CCDC3: variants seen among roughly 807,000 people sequenced by gnomAD.
CCDC3 encodes the protein coiled-coil domain-containing protein 3.
A neutral mutation model predicts 21.4 loss-of-function variants in CCDC3; 24 were observed. The observed-to-expected ratio is 1.12, with a 90% CI of 0.81 to 1.58. The LOEUF (loss-of-function observed/expected upper bound fraction) is 1.58. CCDC3 is among the 40% of genes most tolerant of loss of function. The pLI is 0.00. For synonymous variants in CCDC3, 186 were observed against 166.0 expected (o/e 1.12, Z -0.93); for missense variants, 425 against 360.9 (o/e 1.18, Z -1.44).
chr10:13,038,816 A>G (rs1836412555), intron 5 of CCDC3, among the ~76,000 whole-genome samples: 1 of 152,178 alleles, frequency 6.6e-6, no homozygotes, highest in East Asian at 1.9e-4. Context: ...GAAGGGATAG[A>G]TCTGTGGGCT....
chr10:13,048,752 A>C (rs1450736184), intron 5 of CCDC3, among the ~76,000 whole-genome samples: 1 of 151,992 alleles, frequency 6.6e-6, no homozygotes, highest in East Asian at 1.9e-4. Flanking sequence ...GGTCATCAAT[A>C]GTATGGTGCC....
rs201120279 is a variant in CCDC3 at position 13,059,169 on chromosome 10, C to A, written c.-269-9228G>T. Among the ~76,000 whole-genome samples, 7 of 152,136 alleles carry A rather than the reference C, an allele frequency of 4.6e-5. No individual in the cohort carries two copies. In the East Asian group the frequency reaches 1.3e-3, roughly 29 times the overall value. On this transcript the variant is annotated intron_variant, in intron 4 of 6. Coordinates refer to the CCDC3 transcript ENST00000378839. ...GGTGATGCTAAAATTTAGATATGCC[C>A]TTCTGCATCCTCTTTTCTGTTCCCT...
At chr10:12,915,104 G>A (rs751497519) in intron 2 of CCDC3, among the ~76,000 whole-genome samples, 4 of 152,028 alleles carry the variant, frequency 2.6e-5, no homozygotes, top group African/African-American at 9.7e-5. Flanking sequence ...TGGTGTTCAG[G>A]AACATGTTGC....
intron 4 of CCDC3, among the ~76,000 whole-genome samples, chr10:13,063,012 G>A (rs1175109149): frequency 6.7e-6 from 1 of 150,038 alleles, no homozygotes; most frequent in East Asian, 2.0e-4. Context: ...CTGGCTTACC[G>A]ATTTCATCTC....
chr10:12,909,673 A>G (rs1588999949), intron 2 of CCDC3, among the ~76,000 whole-genome samples: 1 of 152,022 alleles, frequency 6.6e-6, no homozygotes, highest in East Asian at 1.9e-4. Context: ...GGCTGTGGAG[A>G]GTGGAAGGCT....
intron 1 of CCDC3, among the ~76,000 whole-genome samples, chr10:13,000,087 G>T (rs1835823381): frequency 6.6e-6 from 1 of 152,320 alleles, no homozygotes; most frequent in African/African-American, 2.4e-5. Flanking sequence ...CTTTCTCAGA[G>T]AAATGCGAGC....
At chr10:13,070,749 C>G (rs1836872188) in intron 4 of CCDC3, among the ~76,000 whole-genome samples, 1 of 152,188 alleles carries the variant, frequency 6.6e-6, no homozygotes. Flanking sequence ...AATAATTATT[C>G]TTGCTGCACT....
At chr10:12,922,803 C>T (rs967684226) in intron 2 of CCDC3, among the ~76,000 whole-genome samples, 1 of 152,110 alleles carries the variant, frequency 6.6e-6, no homozygotes, top group Non-Finnish European at 1.5e-5. Flanking sequence ...CAGAAAATGC[C>T]CACTTAGATG....
intron 3 of CCDC3, among the ~76,000 whole-genome samples, chr10:13,088,906 A>G (rs1469594723): frequency 6.6e-6 from 1 of 151,716 alleles, no homozygotes; most frequent in East Asian, 1.9e-4. Context: ...GCTACTCAGG[A>G]GGGTGAGGCA....
rs1252548152 is a variant in CCDC3, at chr10:12,898,274, A to G, written c.*142T>C. 4 of 963,920 alleles carry G rather than the reference A, an allele frequency of 4.1e-6. No individual in the cohort carries two copies. The highest frequency in any genetic ancestry group is 2.7e-5 in the East Asian group (1 of 37,700). 59.7% of individuals were successfully genotyped at this position (963,920 alleles called of 1,614,324 possible). The stretch of plus-strand genomic sequence containing the variant: ...CACCCAAGGGGAAAGCAAGCCTTGC[A>G]TTTTATCCATTTAGACTCTACCAAA... On this transcript the variant is annotated 3_prime_UTR_variant, in exon 3 of 3. Coordinates refer to ENST00000378825, the MANE Select transcript of CCDC3 (RefSeq NM_031455.4).
chr10:12,912,313 C>T (rs1445610946), intron 2 of CCDC3, among the ~76,000 whole-genome samples: 1 of 152,148 alleles, frequency 6.6e-6, no homozygotes, highest in Non-Finnish European at 1.5e-5. Context: ...TTGGTAATAG[C>T]CCTTCTAACG....
intron 2 of CCDC3, among the ~76,000 whole-genome samples, chr10:12,925,754 C>A (rs1022745513): frequency 1.3e-5 from 2 of 152,258 alleles, no homozygotes; most frequent in Non-Finnish European, 2.9e-5. Flanking sequence ...ATCCCTGGAT[C>A]ATTTCTCACA....
At chr10:13,051,858 A>G (rs1836612115) in intron 4 of CCDC3, among the ~76,000 whole-genome samples, 1 of 152,142 alleles carries the variant, frequency 6.6e-6, no homozygotes, top group Non-Finnish European at 1.5e-5. Context: ...CCAGAAAGGG[A>G]GCTGACTTCC....
At chr10:13,046,661 C>T (rs1235998334) in intron 5 of CCDC3, among the ~76,000 whole-genome samples, 3 of 150,442 alleles carry the variant, frequency 2.0e-5, no homozygotes, top group Admixed American at 6.7e-5. Flanking sequence ...AAGCTGAGAC[C>T]GGGCCATTGC....
At chr10:13,033,737 A>T (rs1836336720) in intron 5 of CCDC3, among the ~76,000 whole-genome samples, 1 of 152,264 alleles carries the variant, frequency 6.6e-6, no homozygotes, top group African/African-American at 2.4e-5. Flanking sequence ...ACACACGTGA[A>T]AAAATGCTCG....
intron 2 of CCDC3, among the ~76,000 whole-genome samples, chr10:12,965,722 T>C (rs1424765077): frequency 6.6e-6 from 1 of 152,250 alleles, no homozygotes; most frequent in Non-Finnish European, 1.5e-5. Context: ...CATGTAATCA[T>C]GAGTCATTAA....
intron 2 of CCDC3, among the ~76,000 whole-genome samples, chr10:12,913,842 A>G (rs985779486): frequency 6.6e-6 from 1 of 152,242 alleles, no homozygotes. Context: ...TGAAATAATC[A>G]TAAGGTTTTT....
intron 2 of CCDC3, chr10:13,098,710 A>ATGTTTTTTTT (rs1832666637): frequency 1.5e-5 from 1 of 64,854 alleles, no homozygotes; most frequent in African/African-American, 6.6e-5. Flanking sequence ...TCCTGCACTG[A>ATGTTTTTTTT]TTTTTTTTTT....
chr10:12,945,152 A>T (rs909037360), intron 2 of CCDC3, among the ~76,000 whole-genome samples: 2 of 152,210 alleles, frequency 1.3e-5, no homozygotes, highest in African/African-American at 2.4e-5. Context: ...TATGATTCAT[A>T]AATTTGTCAA....
Sources: allele counts gnomAD v4.1 joint callset (sites outside exome capture counted in the v4.1 genomes callset), GRCh38; gene constraint gnomAD v4.1.1; transcripts MANE v1.5; gene names NCBI Gene and HGNC (gene_info 2026-07-23, HGNC 2026-07-21).